FBXL13: variants seen among roughly 807,000 people sequenced by gnomAD.
The protein encoded by FBXL13 is F-box and leucine-rich repeat protein 13.
FBXL13 carries 67 observed loss-of-function variants against 83.6 expected under a neutral mutation model. The observed-to-expected ratio is 0.80, with a 90% CI of 0.66 to 0.98. The LOEUF (loss-of-function observed/expected upper bound fraction) is 0.98. FBXL13 is among the 50% of genes least tolerant of loss of function. FBXL13 has a pLI of 0.00. For synonymous variants in FBXL13, 272 were observed against 299.5 expected, an observed-to-expected ratio of 0.91 and a Z score of 0.95; for missense variants, 822 against 866.5, an observed-to-expected ratio of 0.95 and a Z score of 0.64.
intron 6 of FBXL13, among the ~76,000 whole-genome samples, chr7:102,970,882 T>A (rs1826564036): frequency 6.6e-6 from 1 of 151,752 alleles, no homozygotes; most frequent in South Asian, 2.1e-4. Context: ...CCTGAAGAAA[T>A]TACACAGGAT....
chr7:102,977,729 A>G (rs1827668712), intron 6 of FBXL13, among the ~76,000 whole-genome samples: 1 of 152,242 alleles, frequency 6.6e-6, no homozygotes, highest in Admixed American at 6.5e-5. Flanking sequence ...CTGGATTAAG[A>G]AAATGTGGCA....
chr7:102,832,610 C>T (rs953269022), intron 18 of FBXL13, among the ~76,000 whole-genome samples: 24 of 152,172 alleles, frequency 1.6e-4, no homozygotes, highest in Non-Finnish European at 3.5e-4. Context: ...AAATCTTTGA[C>T]ACATGTTTAT....
chr7:102,816,952 G>T (rs1052589330), intron 19 of FBXL13, among the ~76,000 whole-genome samples: 2 of 152,200 alleles, frequency 1.3e-5, no homozygotes, highest in African/African-American at 4.8e-5. Flanking sequence ...TATTTTTTAT[G>T]ACTGTGTAGC....
Position 102,862,070 on chromosome 7 carries a change from C to T in FBXL13, c.1636-7210G>A, listed in dbSNP as rs181052047. ...AAAGAAACAGACGTTTTGGGCAGGG[C>T]GCAGTGGCTCACGCCTGTAATCCCA... On this transcript the variant is annotated intron_variant, in intron 16 of 19. Transcript: ENST00000313221. Among the ~76,000 whole-genome samples the T allele has an allele frequency of 2.0e-3, 297 of 151,102 alleles. 1 individual carries two copies. Among genetic ancestry groups the T allele is most frequent in the Middle Eastern group, 7.0e-3 (2 of 286 alleles).
At chr7:102,879,521 T>C (rs1156465064) in intron 14 of FBXL13, among the ~76,000 whole-genome samples, 1 of 151,686 alleles carries the variant, frequency 6.6e-6, no homozygotes, top group African/African-American at 2.4e-5. Context: ...ATGGAAAAGA[T>C]TATTGAGGTA....
In FBXL13 at chr7:102,846,929, C is replaced by G. The variant is rs542528779; in HGVS notation, c.1719+7848G>C. Among the ~76,000 whole-genome samples the G allele has an allele frequency of 7.2e-5, 11 of 152,168 alleles. No homozygotes were observed. The South Asian group carries it at 2.1e-3, about 29-fold the overall frequency. ...CCTGCCCAGCTAACCTGTAGTTCTT[C>G]TGTATGGCCTACACTCTAAGAATGG... On this transcript the variant is annotated intron_variant, in intron 17 of 19. Coordinates refer to ENST00000313221, the Ensembl canonical transcript of FBXL13.
chr7:102,875,170 A>C (rs1809053127), intron 16 of FBXL13, among the ~76,000 whole-genome samples: 1 of 152,234 alleles, frequency 6.6e-6, no homozygotes, highest in Non-Finnish European at 1.5e-5. Flanking sequence ...AAAAGAACAC[A>C]GGATAAAAAT....
intron 2 of FBXL13, among the ~76,000 whole-genome samples, chr7:103,038,835 A>C (rs1384498896): frequency 6.6e-6 from 1 of 152,246 alleles, no homozygotes; most frequent in Non-Finnish European, 1.5e-5. Flanking sequence ...TCAAAGACCA[A>C]AGGTAGATAA....
intron 2 of FBXL13, among the ~76,000 whole-genome samples, chr7:103,042,368 G>C (rs905437530): frequency 1.3e-5 from 2 of 152,158 alleles, no homozygotes; most frequent in African/African-American, 4.8e-5. Flanking sequence ...TGGATAGGAA[G>C]AATCAGTATC....
At chr7:103,069,220 G>C (rs564854334) in intron 1 of FBXL13, among the ~76,000 whole-genome samples, 1 of 149,504 alleles carries the variant, frequency 6.7e-6, no homozygotes, top group African/African-American at 2.5e-5. Context: ...AGAGAGGAGC[G>C]CCTCTGCCCA....
At chr7:103,043,756 C>T (rs1437066117) in intron 2 of FBXL13, among the ~76,000 whole-genome samples, 5 of 152,162 alleles carry the variant, frequency 3.3e-5, no homozygotes, top group Non-Finnish European at 7.4e-5. Flanking sequence ...TCAGGTGATC[C>T]ACCTGCCTTG....
chr7:102,937,957 G>T (rs531589652), intron 8 of FBXL13, among the ~76,000 whole-genome samples: 1 of 152,260 alleles, frequency 6.6e-6, no homozygotes, highest in East Asian at 1.9e-4. Context: ...GTGTGTATAG[G>T]GGACCTAATA....
At chr7:103,014,137 A>G (rs1182180520) in intron 6 of FBXL13, among the ~76,000 whole-genome samples, 4 of 152,202 alleles carry the variant, frequency 2.6e-5, no homozygotes, top group South Asian at 4.1e-4. Context: ...AATCAAATGA[A>G]TAAGTCATGA....
intron 6 of FBXL13, among the ~76,000 whole-genome samples, chr7:103,018,035 A>C (rs1216995540): frequency 1.3e-5 from 2 of 152,154 alleles, no homozygotes; most frequent in African/African-American, 2.4e-5. Context: ...GATTCACCAA[A>C]GTTGAAATGA....
At chr7:102,912,986 G>T in intron 11 of FBXL13, 100 bp downstream of exon 12, 3 of 1,469,026 alleles carry the variant, frequency 2.0e-6, no homozygotes, top group East Asian at 2.3e-5. Context: ...AGTGTGCTGC[G>T]GTCCGTGCAC....
At chr7:102,875,365 G>C (rs1263975015) in intron 16 of FBXL13, among the ~76,000 whole-genome samples, 1 of 152,106 alleles carries the variant, frequency 6.6e-6, no homozygotes, top group African/African-American at 2.4e-5. Context: ...GATGAGAAGG[G>C]AGAGGAGGAA....
At chr7:102,931,796 C>A in intron 9 of FBXL13, 85 bp downstream of exon 10, 2 of 1,278,462 alleles carry the variant, frequency 1.6e-6, no homozygotes, top group Non-Finnish European at 2.2e-6. Flanking sequence ...CAAATAAGCA[C>A]ACAAGCATCT....
rs575591713 is a variant in FBXL13, at chr7:102,984,142, C to T, written c.496-16025G>A. Among the ~76,000 whole-genome samples, 48 of 152,172 alleles carry T rather than the reference C, an allele frequency of 3.2e-4. 1 individual carries two copies. In the East Asian group the frequency reaches 8.3e-3, roughly 26 times the overall value. Reference sequence around the variant, plus strand: ...TCTATTGCCAGATAACACCGTGAAACATCAGTGCTCTTTTTAGCACTGAAA... The same window carrying T: ...TCTATTGCCAGATAACACCGTGAAATATCAGTGCTCTTTTTAGCACTGAAA... On this transcript the variant is annotated intron_variant, in intron 6 of 19. Coordinates refer to ENST00000313221, the Ensembl canonical transcript of FBXL13.
chr7:103,024,131 TAAAA>T (rs1280858384), intron 6 of FBXL13, among the ~76,000 whole-genome samples: 21 of 49,662 alleles, frequency 4.2e-4, no homozygotes, highest in Admixed American at 5.4e-4. Flanking sequence ...AAATAAAAGT[TAAAA>T]AGAGAGAGAG....
Sources: allele counts gnomAD v4.1 joint callset (sites outside exome capture counted in the v4.1 genomes callset), GRCh38; gene constraint gnomAD v4.1.1; transcripts MANE v1.5; gene names NCBI Gene and HGNC (gene_info 2026-07-23, HGNC 2026-07-21).